TCF12: variants seen among roughly 807,000 people sequenced by gnomAD.
The protein encoded by TCF12 is DNA-binding protein HTF4.
Under a neutral mutation model 86.0 loss-of-function variants are expected in TCF12, and 45 were observed. That is an observed-to-expected ratio of 0.52 (90% CI 0.41 to 0.67). The LOEUF (loss-of-function observed/expected upper bound fraction) is 0.67. Ranked by LOEUF, TCF12 falls within the 30% of genes least tolerant of loss-of-function variation. The probability of loss-of-function intolerance (pLI) is 0.00; values close to 1 mark genes in which losing one functional copy is unlikely to be tolerated. For missense variants in TCF12, 881 were observed against 859.9 expected (o/e 1.02, Z -0.31); for synonymous variants, 330 against 299.6 (o/e 1.10, Z -1.05).
chr15:57,277,454 C>A (rs1456731718), intron 19 of TCF12, among the ~76,000 whole-genome samples: 1 of 151,664 alleles, frequency 6.6e-6, no homozygotes, highest in Non-Finnish European at 1.5e-5. Flanking sequence ...CATGGTGAAA[C>A]CCCATCTCTA....
intron 3 of TCF12, among the ~76,000 whole-genome samples, chr15:56,984,917 G>A (rs562369372): frequency 1.3e-4 from 20 of 152,256 alleles, no homozygotes; most frequent in African/African-American, 3.6e-4. Context: ...CTAAGACACC[G>A]TGAAAAATAC....
intron 5 of TCF12, among the ~76,000 whole-genome samples, chr15:57,104,303 C>T (rs1342634654): frequency 6.6e-6 from 1 of 151,962 alleles, no homozygotes; most frequent in Non-Finnish European, 1.5e-5. Context: ...AAATGTTTAG[C>T]CACAAAATCC....
In TCF12 at chr15:57,197,777, C is replaced by T. The variant is rs756489821; in HGVS notation, c.531C>T (p.Pro177=). ...TGTATTGTTTTCCATCTGCAGATCC[C>T]TTGCAAGCAAAAAAAGTCAGAAAGG... ...RPLHDSAALD[P]LQAKKVRKVP... The change falls in exon 8 of 21, where the codon CCC becomes CCT. Residue 177 remains proline, a synonymous_variant. Coordinates refer to ENST00000333725, the MANE Select transcript of TCF12 (RefSeq NM_207037.2). 1.9e-6 allele frequency: 3 copies of T among 1,613,884 alleles called. No individual in the cohort carries two copies. The highest frequency in any genetic ancestry group is 3.3e-5 in the Admixed American group (2 of 59,990).
intron 5 of TCF12, among the ~76,000 whole-genome samples, chr15:57,129,050 G>T (rs2051902183): frequency 6.6e-6 from 1 of 152,154 alleles, no homozygotes; most frequent in African/African-American, 2.4e-5. Flanking sequence ...GTATACCTAG[G>T]AGTGGAGTTA....
intron 13 of TCF12, among the ~76,000 whole-genome samples, chr15:57,246,698 A>G (rs1288041260): frequency 6.6e-6 from 1 of 152,196 alleles, no homozygotes; most frequent in African/African-American, 2.4e-5. Context: ...GAAAGACCTC[A>G]GGAATATACA....
rs5812874 is a variant in TCF12, at chr15:57,230,954, T to TA, written c.580-186dup. On this transcript the variant is annotated intron_variant, in intron 8 of 20. Coordinates refer to ENST00000333725, the MANE Select transcript of TCF12 (RefSeq NM_207037.2). ...TAGTAGTTTTCCCTAATAACCAGCT[T>TA]AAAAAAAAAAAACATGTGGATGGTA... Among the ~76,000 whole-genome samples, 61,564 of 147,310 alleles carry TA rather than the reference T, an allele frequency of 0.42. 14,311 individuals carry two copies. The highest frequency in any genetic ancestry group is 0.54 in the Non-Finnish European group (35,830 of 66,520).
intron 5 of TCF12, among the ~76,000 whole-genome samples, chr15:57,124,773 G>C (rs1465131646): frequency 6.6e-6 from 1 of 151,902 alleles, no homozygotes; most frequent in Non-Finnish European, 1.5e-5. Flanking sequence ...CGTCTCCCGG[G>C]TTCACGCCAT....
chr15:57,064,502 A>T (rs1388601404), intron 4 of TCF12, among the ~76,000 whole-genome samples: 1 of 152,132 alleles, frequency 6.6e-6, no homozygotes. Context: ...AGGTTAAGAG[A>T]TACTTTTCCA....
At chr15:57,013,768 C>T (rs188743756) in intron 3 of TCF12, among the ~76,000 whole-genome samples, 2 of 152,150 alleles carry the variant, frequency 1.3e-5, no homozygotes, top group Admixed American at 6.5e-5. Flanking sequence ...ACTACTTGTG[C>T]GTTTTTAAGT....
chr15:57,264,850 C>T (rs1378900435), intron 18 of TCF12, among the ~76,000 whole-genome samples: 6 of 152,116 alleles, frequency 3.9e-5, no homozygotes, highest in Admixed American at 1.3e-4. Context: ...TTGCCTCAGC[C>T]TCCAGAGTAG....
intron 5 of TCF12, among the ~76,000 whole-genome samples, chr15:57,158,290 C>T (rs894245001): frequency 1.3e-5 from 2 of 151,378 alleles, no homozygotes; most frequent in Non-Finnish European, 2.9e-5. Context: ...GTGATTCTCC[C>T]ATCTCAGCCC....
chr15:57,170,759 T>TA (rs1567559665), intron 6 of TCF12, among the ~76,000 whole-genome samples: 1 of 32,656 alleles, frequency 3.1e-5, no homozygotes, highest in Non-Finnish European at 5.4e-5. Context: ...ATATTATATA[T>TA]TATATATATA....
chr15:57,275,480 T>G (rs890698861), intron 19 of TCF12, among the ~76,000 whole-genome samples: 1 of 128,162 alleles, frequency 7.8e-6, no homozygotes, highest in South Asian at 2.4e-4. Flanking sequence ...GACACTCTTA[T>G]GGCTGTCAGA....
chr15:57,018,055 A>AAGT (rs1159820026), intron 3 of TCF12, among the ~76,000 whole-genome samples: 2 of 152,210 alleles, frequency 1.3e-5, no homozygotes. Flanking sequence ...GCCAGTCAAA[A>AAGT]AGTAATTTAG....
intron 5 of TCF12, among the ~76,000 whole-genome samples, chr15:57,104,696 A>G (rs1596546700): frequency 6.6e-6 from 1 of 151,776 alleles, no homozygotes; most frequent in East Asian, 1.9e-4. Context: ...TTGGCTTGCC[A>G]AAGTGCTGGG....
chr15:56,996,099 G>A (rs759002326), intron 3 of TCF12, among the ~76,000 whole-genome samples: 2 of 152,120 alleles, frequency 1.3e-5, no homozygotes. Flanking sequence ...ATTGATTTGT[G>A]TATGTTGAAC....
intron 3 of TCF12, among the ~76,000 whole-genome samples, chr15:56,946,798 C>CTTTT (rs71113039): frequency 1.1e-4 from 12 of 113,542 alleles, no homozygotes; most frequent in African/African-American, 1.2e-4. Flanking sequence ...TCTAAAGTAC[C>CTTTT]TTTTTTTTTT....
chr15:57,100,277 T>TACAA (rs2049635079), intron 5 of TCF12, among the ~76,000 whole-genome samples: 1 of 152,196 alleles, frequency 6.6e-6, no homozygotes, highest in Non-Finnish European at 1.5e-5. Context: ...TTTGTAGCTT[T>TACAA]ACAGTTCTGC....
chr15:57,245,916 G>C (rs1439782409), intron 13 of TCF12, among the ~76,000 whole-genome samples: 2 of 151,774 alleles, frequency 1.3e-5, no homozygotes, highest in Admixed American at 6.6e-5. Flanking sequence ...CCTGTGTCTT[G>C]GTTCTTATCT....
Sources: gnomAD v4.1 joint callset for allele counts (sites outside exome capture counted in the v4.1 genomes callset) on GRCh38, gnomAD v4.1.1 for gene constraint, MANE v1.5 for transcripts, NCBI Gene and HGNC (gene_info 2026-07-23, HGNC 2026-07-21) for gene names.